Variants in CACNA1A observed in about 807,000 individuals in gnomAD.
The protein encoded by CACNA1A is calcium voltage-gated channel subunit alpha1 A.
In CACNA1A, 57 loss-of-function variants were observed where a neutral mutation model predicts 262.4. The observed-to-expected ratio is 0.22, with a 90% CI of 0.18 to 0.27. The LOEUF (loss-of-function observed/expected upper bound fraction) is 0.27, where lower values mean the gene tolerates loss of function less well. Ranked by LOEUF, CACNA1A falls within the 10% of genes least tolerant of loss-of-function variation. CACNA1A has a pLI of 1.00. For missense variants in CACNA1A, 2,526 were observed against 3,562.8 expected (o/e 0.71, Z 7.41); for synonymous variants, 1,431 against 1,419.3 (o/e 1.01, Z -0.18).
In CACNA1A at chr19:13,299,252, T is replaced by C; in HGVS notation, c.2381A>G (p.Tyr794Cys). The change falls in exon 19 of 47, where the codon TAT becomes TGT. Residue 794 changes from tyrosine (Y) to cysteine (C), a missense_variant. By Grantham distance (194) the Tyr-to-Cys change is radical. Coordinates refer to ENST00000360228, the MANE Select transcript of CACNA1A (RefSeq NM_001127222.2). ...GCGCTCGTCCGGGTCCATTTCGTTATACAGGGCCTCCCGGCTGGCCAGCAA... is the reference window on the plus strand; with the variant it reads ...GCGCTCGTCCGGGTCCATTTCGTTACACAGGGCCTCCCGGCTGGCCAGCAA... ...QNLLASREALYNEMDPDERWK... is the reference protein window; with the variant it reads ...QNLLASREALCNEMDPDERWK... 3 of 1,608,376 alleles carry C rather than the reference T, an allele frequency of 1.9e-6. No individual in the cohort carries two copies. The highest frequency in any genetic ancestry group is 1.3e-5 in the African/African-American group (1 of 75,076).
intron 38 of CACNA1A, 70 bp downstream of exon 38, chr19:13,224,597 G>A: frequency 1.0e-6 from 1 of 983,652 alleles, no homozygotes; most frequent in South Asian, 1.4e-5. Context: ...CCTCTAGTTT[G>A]GGGTAGGGAG....
chr19:13,227,389 A>G, intron 37 of CACNA1A, 42 bp downstream of exon 37: 2 of 972,366 alleles, frequency 2.1e-6, no homozygotes, highest in South Asian at 3.1e-5. Context: ...AAGAAAAAAA[A>G]ACCCAGTGCC....
Position 13,212,302 on chromosome 19 carries a change from TGTGTGTGTGG to T in CACNA1A, c.6189+72_6189+81del. On this transcript the variant is annotated intron_variant, in intron 42 of 46. Transcript: ENST00000360228. This position sits in a 1 kb window ranked among gnomAD's most constrained non-coding sequence, Gnocchi z 5.6. ...CTGCAGAGGGAGGGAGCTGCAGGTGTGTGTGTGTGGGGGGCCCAGATCCCTTCCACCTGAA... is the reference window on the plus strand; with the variant it reads ...CTGCAGAGGGAGGGAGCTGCAGGTGTGGGGCCCAGATCCCTTCCACCTGAA... The T allele has an allele frequency of 6.4e-7, 1 of 1,562,490 alleles. No individual in the cohort carries two copies. The highest frequency in any genetic ancestry group is 1.1e-5 in the South Asian group (1 of 89,222).
chr19:13,255,709 C>CTCCT (rs146537220), intron 28 of CACNA1A, among the ~76,000 whole-genome samples: 2 of 93,704 alleles, frequency 2.1e-5, no homozygotes, highest in Admixed American at 1.2e-4. Context: ...CCTTCCTTCC[C>CTCCT]TCCCTCCCTC....
chr19:13,429,486 C>T (rs1245453882), intron 3 of CACNA1A, among the ~76,000 whole-genome samples: 1 of 150,654 alleles, frequency 6.6e-6, no homozygotes, highest in African/African-American at 2.4e-5. Context: ...AGATGTGTGC[C>T]CCCCTCACTG....
At chr19:13,234,068 G>C (rs8111448) in intron 34 of CACNA1A, among the ~76,000 whole-genome samples, 1 of 128,108 alleles carries the variant, frequency 7.8e-6, no homozygotes, top group Non-Finnish European at 1.7e-5. Context: ...AAAAAAAAAG[G>C]GCTGGGCACG....
chr19:13,348,641 T>G (rs538702394), intron 6 of CACNA1A, among the ~76,000 whole-genome samples: 34 of 152,214 alleles, frequency 2.2e-4, no homozygotes, highest in East Asian at 1.4e-3. Context: ...ATCGAGACCA[T>G]CCTGGCCAAC....
intron 1 of CACNA1A, among the ~76,000 whole-genome samples, chr19:13,492,720 C>T (rs565784658): frequency 6.6e-6 from 1 of 152,232 alleles, no homozygotes; most frequent in African/African-American, 2.4e-5. Context: ...ATTCCATTTC[C>T]TTTGGAAAAA....
At chr19:13,402,460 A>G (rs1232365801) in intron 3 of CACNA1A, among the ~76,000 whole-genome samples, 1 of 152,048 alleles carries the variant, frequency 6.6e-6, no homozygotes, top group Non-Finnish European at 1.5e-5. Context: ...TGATGGGTGC[A>G]CCAGGTTCTC....
chr19:13,298,632 GCTCGCCCCCGTCGGGGCCCTCGCC>G lies in CACNA1A; in HGVS notation c.2977_3000del (p.Gly993_Glu1000del). 6.6e-7 allele frequency: 1 copy of G among 1,526,452 alleles called. No homozygotes were observed. 94.6% of individuals were successfully genotyped at this position (1,526,452 alleles called of 1,614,324 possible). On this transcript the variant is annotated inframe_deletion, in exon 19 of 47. Transcript: ENST00000360228. ...GCGCCATGCCGGTGCCTTCTCCTGC[GCTCGCCCCCGTCGGGGCCCTCGCC>G]CTCGCCCTCGCCGCCCCGGGCCGGC...
intron 5 of CACNA1A, among the ~76,000 whole-genome samples, chr19:13,361,513 AGT>A (rs2059111123): frequency 6.6e-6 from 1 of 152,180 alleles, no homozygotes; most frequent in African/African-American, 2.4e-5. Flanking sequence ...CAAACAGCTG[AGT>A]GTGTGTAAAC....
chr19:13,486,519 A>G (rs541620764), intron 1 of CACNA1A, among the ~76,000 whole-genome samples: 1 of 152,340 alleles, frequency 6.6e-6, no homozygotes, highest in South Asian at 2.1e-4. Flanking sequence ...ACCCAGACAG[A>G]AAATTAAAAG....
At chr19:13,340,550 C>A (rs574856810) in intron 6 of CACNA1A, among the ~76,000 whole-genome samples, 1 of 151,832 alleles carries the variant, frequency 6.6e-6, no homozygotes, top group Non-Finnish European at 1.5e-5. Context: ...CCTCACCCTC[C>A]CAAGTAGTTG....
chr19:13,423,312 G>A (rs192508905), intron 3 of CACNA1A, among the ~76,000 whole-genome samples: 146 of 152,278 alleles, frequency 9.6e-4, no homozygotes, highest in African/African-American at 3.3e-3. Flanking sequence ...ATGGCAGAGT[G>A]CGTGATGGAG....
At chr19:13,412,560 C>T (rs985600832) in intron 3 of CACNA1A, among the ~76,000 whole-genome samples, 1 of 151,796 alleles carries the variant, frequency 6.6e-6, no homozygotes, top group South Asian at 2.1e-4. Flanking sequence ...TCACTGCAAC[C>T]TCCGCCTCCT....
chr19:13,448,559 G>C (rs1408028109), intron 3 of CACNA1A, among the ~76,000 whole-genome samples: 1 of 152,168 alleles, frequency 6.6e-6, no homozygotes, highest in African/African-American at 2.4e-5. Flanking sequence ...CTGCCAGCAA[G>C]GTCAAGCCAG....
In CACNA1A at chr19:13,425,459, A is replaced by G. The variant is rs150257650; in HGVS notation, c.539+27417T>C. Among the ~76,000 whole-genome samples, 41 of 152,306 alleles carry G rather than the reference A, an allele frequency of 2.7e-4. 1 individual carries two copies. In the East Asian group the frequency reaches 4.4e-3, roughly 16 times the overall value. ...ACTCCCCAAGTAGGATGGGGCCCCA[A>G]TAGGCTATCACTTTCAGGTAAGAAA... is the stretch of plus-strand genomic sequence containing the variant. On this transcript the variant is annotated intron_variant, in intron 3 of 46. Coordinates refer to ENST00000360228, the MANE Select transcript of CACNA1A (RefSeq NM_001127222.2).
intron 3 of CACNA1A, among the ~76,000 whole-genome samples, chr19:13,374,720 C>A (rs1214872755): frequency 6.6e-6 from 1 of 152,232 alleles, no homozygotes; most frequent in Non-Finnish European, 1.5e-5. Flanking sequence ...AAAGAACAGG[C>A]AGTGGTTAAG....
rs925762947 is a variant in CACNA1A, at chr19:13,506,402, G to C, written c.-178C>G. On this transcript the variant is annotated 5_prime_UTR_variant, in exon 1 of 47. Transcript: ENST00000360228. ...CGGGCGGCGGCGGCTCGGCGCCTCG[G>C]GTCGGGGGCTCAGAAGGCGGCTGCC... The C allele has an allele frequency of 2.3e-6, 1 of 442,012 alleles. No individual in the cohort carries two copies. The highest frequency in any genetic ancestry group is 2.1e-5 in the African/African-American group (1 of 48,596). The allele number at this position is 442,012 out of a possible 1,614,324, so 27.4% of individuals were successfully genotyped here.
Sources: allele counts gnomAD v4.1 joint callset (sites outside exome capture counted in the v4.1 genomes callset), GRCh38; gene constraint gnomAD v4.1.1; non-coding constraint Gnocchi (gnomAD v3.1); transcripts MANE v1.5; gene names NCBI Gene and HGNC (gene_info 2026-07-23, HGNC 2026-07-21).